Variants in TRIM54 observed in about 807,000 individuals in gnomAD.
TRIM54 encodes tripartite motif-containing protein 54.
Under a neutral mutation model 42.0 loss-of-function variants are expected in TRIM54, and 40 were observed. The ratio of observed to expected loss-of-function variants is 0.95; its 90% CI spans 0.74 to 1.24. The LOEUF (loss-of-function observed/expected upper bound fraction) is 1.24. Ranked by LOEUF, TRIM54 falls within the 50% of genes most tolerant of loss-of-function variation. The pLI is 0.00. For synonymous variants in TRIM54, 199 were observed against 194.9 expected, an observed-to-expected ratio of 1.02 and a Z score of -0.17; for missense variants, 485 against 480.3, an observed-to-expected ratio of 1.01 and a Z score of -0.09.
chr2:27,305,511 G>GT, intron 4 of TRIM54, 73 bp from the exon 5 acceptor site: 1 of 1,304,422 alleles, frequency 7.7e-7, no homozygotes, highest in Middle Eastern at 1.9e-4. Flanking sequence ...TTGGTTCTCT[G>GT]TGAGTACCCT....
chr2:27,306,798 C>A lies in TRIM54; in HGVS notation c.*2-89C>A. ...CAAGGCAGGCTGAGTAGAGGAGAAA[C>A]CCACGTGGCGGGGGACGGAGTGAGC... On this transcript the variant is annotated intron_variant, in intron 8 of 8. Transcript: ENST00000380075. This position sits in a 1 kb window ranked among gnomAD's most constrained non-coding sequence, Gnocchi z 6.1. 1 of 542,134 alleles carries A rather than the reference C, an allele frequency of 1.8e-6. No homozygotes were observed. The highest frequency in any genetic ancestry group is 3.2e-6 in the Non-Finnish European group (1 of 308,100). 33.6% of individuals were successfully genotyped at this position (542,134 alleles called of 1,614,324 possible). A position where few individuals can be genotyped will look rare whatever the true frequency, so the allele number is the denominator to read the frequency against.
intron 1 of TRIM54, among the ~76,000 whole-genome samples, chr2:27,294,592 G>C (rs76088617): frequency 0.011 from 1,735 of 152,126 alleles, 38 homozygotes; most frequent in African/African-American, 0.04. Flanking sequence ...ATGGGGCTAA[G>C]ACTATTACCT....
chr2:27,300,235 G>A (rs751840602), intron 3 of TRIM54, among the ~76,000 whole-genome samples: 1 of 152,164 alleles, frequency 6.6e-6, no homozygotes, highest in East Asian at 1.9e-4. Flanking sequence ...GCAATGGCAC[G>A]ATCTCGGCTC....
At chr2:27,292,221 G>A (rs896483987) in intron 1 of TRIM54, among the ~76,000 whole-genome samples, 8 of 152,220 alleles carry the variant, frequency 5.3e-5, no homozygotes, top group African/African-American at 1.9e-4. Context: ...TGGCTGTGGG[G>A]AGTTTGAAGG....
Position 27,306,405 on chromosome 2 carries a change from G to A in TRIM54, c.992-51G>A, listed in dbSNP as rs753087112. On this transcript the variant is annotated intron_variant, in intron 7 of 8. Coordinates refer to ENST00000380075, the MANE Select transcript of TRIM54 (RefSeq NM_187841.3). The surrounding 1 kb of genome is among the most constrained non-coding windows in gnomAD (Gnocchi z 6.1). Reference sequence around the variant, plus strand: ...TCTGTGTGGGGGGTGCGGCGGGCACGATGGCCGTAAAGGCAGGGACTCCAC... The same window carrying A: ...TCTGTGTGGGGGGTGCGGCGGGCACAATGGCCGTAAAGGCAGGGACTCCAC... The A allele has an allele frequency of 2.5e-6, 4 of 1,612,256 alleles. No individual in the cohort carries two copies. The highest frequency in any genetic ancestry group is 3.4e-6 in the Non-Finnish European group (4 of 1,179,160).
At position 27,306,251 on chromosome 2, in the gene TRIM54, C is replaced by G. The variant is rs750460885; in HGVS notation, c.905C>G (p.Pro302Arg). 9 of 1,614,070 alleles carry G rather than the reference C, an allele frequency of 5.6e-6. No homozygotes were observed. The highest frequency in any genetic ancestry group is 4.5e-5 in the East Asian group (2 of 44,868). The change falls in exon 7 of 9, where the codon CCG becomes CGG. Residue 302 changes from proline to arginine, a missense_variant. Pro to Arg is a moderately radical substitution (Grantham distance 103, BLOSUM62 -2). Transcript: ENST00000380075. This position sits in a 1 kb window ranked among gnomAD's most constrained non-coding sequence, Gnocchi z 6.1. ...TCGAAGGTGGAGCTGGCAGGGCGGC[C>G]GGAGCCAGGCTATGAGAGCATGGAG... Reference protein sequence around the residue: ...AMSKVELAGRPEPGYESMEQF... With the variant: ...AMSKVELAGRREPGYESMEQF...
At chr2:27,299,635 C>T (rs1365371303) in intron 3 of TRIM54, 1 of 908,316 alleles carries the variant, frequency 1.1e-6, no homozygotes, top group South Asian at 1.5e-5. Flanking sequence ...CTTAGCCTCG[C>T]AGAACACTAA....
At chr2:27,295,426 C>T (rs1678838846) in intron 1 of TRIM54, among the ~76,000 whole-genome samples, 1 of 152,132 alleles carries the variant, frequency 6.6e-6, no homozygotes, top group Non-Finnish European at 1.5e-5. Flanking sequence ...CTTGCCTCAG[C>T]CTCCCAAAGT....
intron 1 of TRIM54, among the ~76,000 whole-genome samples, chr2:27,298,002 G>A (rs186930767): frequency 0.031 from 3,544 of 112,534 alleles, 77 homozygotes; most frequent in Non-Finnish European, 0.047. Context: ...AAAAAAAAAA[G>A]GCCGGGGGGA....
At chr2:27,298,764 C>G in intron 2 of TRIM54, 25 bp downstream of exon 2, 1 of 1,610,444 alleles carries the variant, frequency 6.2e-7, no homozygotes, top group Non-Finnish European at 8.5e-7. Flanking sequence ...TCTCTTGCCT[C>G]TCTCATGACA....
At position 27,305,044 on chromosome 2, in the gene TRIM54, AGACTATC is replaced by A. The variant is rs1180100326; in HGVS notation, c.602_608del (p.Thr201ArgfsTer11). 6.2e-7 allele frequency: 1 copy of A among 1,613,838 alleles called. No individual in the cohort carries two copies. Among genetic ancestry groups the A allele is most frequent in the Admixed American group, 1.7e-5 (1 of 59,996 alleles). ...ATCACACAGATGGAGGAGGTGTGCC[AGACTATC>A]GAGGTGAGCCTGGGCTGGAGGGAGG... On this transcript the variant is annotated frameshift_variant, in exon 4 of 9. Transcript: ENST00000380075. LOFTEE classifies it high-confidence loss of function.
Position 27,306,423 on chromosome 2 carries a change from G to T in TRIM54, c.992-33G>T. The T allele has an allele frequency of 6.2e-7, 1 of 1,609,300 alleles. No individual in the cohort carries two copies. The highest frequency in any genetic ancestry group is 8.5e-7 in the Non-Finnish European group (1 of 1,177,860). On this transcript the variant is annotated intron_variant, in intron 7 of 8. Transcript: ENST00000380075. This position sits in a 1 kb window ranked among gnomAD's most constrained non-coding sequence, Gnocchi z 6.1. ...CGGGCACGATGGCCGTAAAGGCAGG[G>T]ACTCCACCTCACCAGGCCTTCCTTG...
chr2:27,303,699 G>C (rs1679102251), intron 3 of TRIM54, among the ~76,000 whole-genome samples: 1 of 152,132 alleles, frequency 6.6e-6, no homozygotes, highest in Admixed American at 6.6e-5. Context: ...GTATTCCCTA[G>C]ATTAATTAAT....
chr2:27,283,763 G>GGCACACGCACGCGCGCGCGCGCGC (rs1558580791), intron 1 of TRIM54, among the ~76,000 whole-genome samples: 3 of 103,782 alleles, frequency 2.9e-5, no homozygotes, highest in African/African-American at 1.1e-4. Flanking sequence ...GAGGGGCAAA[G>GGCACACGCACGCGCGCGCGCGCGC]GCACACACAC....
At chr2:27,285,220 TA>T (rs1020849119) in intron 1 of TRIM54, among the ~76,000 whole-genome samples, 1 of 152,224 alleles carries the variant, frequency 6.6e-6, no homozygotes, top group African/African-American at 2.4e-5. Flanking sequence ...TATCTCAATA[TA>T]TCTCAGTAGA....
At chr2:27,297,817 T>C (rs1678905807) in intron 1 of TRIM54, among the ~76,000 whole-genome samples, 1 of 151,342 alleles carries the variant, frequency 6.6e-6, no homozygotes. Context: ...TCATCTCTAC[T>C]AAAAATAAAA....
chr2:27,305,106 C>T (rs1420709969), intron 4 of TRIM54, 52 bp downstream of exon 4: 4 of 1,507,470 alleles, frequency 2.7e-6, no homozygotes, highest in Non-Finnish European at 3.7e-6. Flanking sequence ...GCCTGCGGAC[C>T]CCGGGCTCCC....
Position 27,292,620 on chromosome 2 carries a change from T to C in TRIM54, c.169-5947T>C, listed in dbSNP as rs888027757. 1.3e-4 allele frequency among the ~76,000 whole-genome samples: 20 copies of C among 152,214 alleles called. 1 individual carries two copies. The highest frequency in any genetic ancestry group is 1.3e-3 in the Admixed American group (20 of 15,282). ...AAATGTACAGTTCAATGGCATTACA[T>C]ACATTTACATTGTTGTGAAACTGTC... On this transcript the variant is annotated intron_variant, in intron 1 of 8. Transcript: ENST00000380075.
At position 27,306,112 on chromosome 2, in the gene TRIM54, C is replaced by CA. The variant is rs1558592253; in HGVS notation, c.866+11dup. On this transcript the variant is annotated intron_variant, in intron 6 of 8. Transcript: ENST00000380075. This position sits in a 1 kb window ranked among gnomAD's most constrained non-coding sequence, Gnocchi z 6.1. ...AGGAGCTGATCAATAAGTGAGTAGG[C>CA]ATAGCGGGAAGGGAAAGGAGGGGGC... is the stretch of plus-strand genomic sequence containing the variant. 6.2e-7 allele frequency: 1 copy of CA among 1,613,962 alleles called. No homozygotes were observed. Among genetic ancestry groups the CA allele is most frequent in the African/African-American group, 1.3e-5 (1 of 75,052 alleles).
Sources: gnomAD v4.1 joint callset for allele counts (sites outside exome capture counted in the v4.1 genomes callset) on GRCh38, gnomAD v4.1.1 for gene constraint, Gnocchi (gnomAD v3.1) non-coding constraint, MANE v1.5 for transcripts, NCBI Gene and HGNC (gene_info 2026-07-23, HGNC 2026-07-21) for gene names.